WDR90: variants seen among roughly 807,000 people sequenced by gnomAD.
WDR90 encodes the protein WD repeat domain 90.
Under a neutral mutation model 195.2 loss-of-function variants are expected in WDR90, and 238 were observed. The ratio of observed to expected loss-of-function variants is 1.22; its 90% CI spans 1.10 to 1.36. The LOEUF is 1.36. Among genes scored for constraint, WDR90 ranks in the 40% most tolerant of loss-of-function variants. WDR90 has a pLI of 0.00. For missense variants in WDR90, 2,734 were observed against 2,439.5 expected, an observed-to-expected ratio of 1.12 and a Z score of -2.54; for synonymous variants, 1,265 against 1,052.4, an observed-to-expected ratio of 1.20 and a Z score of -3.91.
At chr16:656,187 C>T in intron 17 of WDR90, 115 bp from the exon 18 acceptor site, 1 of 1,028,462 alleles carries the variant, frequency 9.7e-7, no homozygotes, top group South Asian at 1.5e-5. Flanking sequence ...CCGTGTGGAG[C>T]CTGGGACTTT....
rs202035032 is a variant in WDR90, at chr16:666,676, C to T, written c.4888C>T (p.Gln1630Ter). 1.5e-4 allele frequency: 235 copies of T among 1,612,576 alleles called. No homozygotes were observed. The highest frequency in any genetic ancestry group is 1.9e-4 in the Non-Finnish European group (224 of 1,179,920). The part of the protein sequence containing the change: ...SFPMPATTET[Q>*]GHLPPSLAAF... Reference sequence around the variant, plus strand: ...GCAGCATGCTGCGCCTTTGCAGACTCAGGGCCACCTGCCACCCTCCCTCGC... The same window carrying T: ...GCAGCATGCTGCGCCTTTGCAGACTTAGGGCCACCTGCCACCCTCCCTCGC... The change falls in exon 39 of 41, where the codon CAG becomes TAG. Residue 1630 changes from glutamine (Q) to a stop codon, truncating the protein, a stop_gained. Coordinates refer to ENST00000293879, the MANE Select transcript of WDR90 (RefSeq NM_145294.5). LOFTEE classifies it high-confidence loss of function.
rs933175816 is a variant in WDR90 at position 659,866 on chromosome 16, C to T, written c.3185-192C>T. On this transcript the variant is annotated intron_variant, in intron 26 of 40. Coordinates refer to ENST00000293879, the MANE Select transcript of WDR90 (RefSeq NM_145294.5). ...AGGGGCCTGAGGACGGTCGGTGAGTCCCCCGTGTGACGAGGCAAGGTCACC... is the reference window on the plus strand; with the variant it reads ...AGGGGCCTGAGGACGGTCGGTGAGTTCCCCGTGTGACGAGGCAAGGTCACC... Among the ~76,000 whole-genome samples, 11 of 152,306 alleles carry T rather than the reference C, an allele frequency of 7.2e-5. 1 individual carries two copies. In the East Asian group the frequency reaches 1.9e-3, roughly 27 times the overall value.
upstream of WDR90, chr16:649,335 A>G: frequency 7.6e-7 from 1 of 1,307,944 alleles, no homozygotes; most frequent in Non-Finnish European, 9.7e-7. Flanking sequence ...CACCGTTGCC[A>G]GGCAGCCGTT....
chr16:651,437 G>T (rs1169256499), intron 7 of WDR90, among the ~76,000 whole-genome samples, 171 bp downstream of exon 7: 4 of 152,152 alleles, frequency 2.6e-5, no homozygotes, highest in Non-Finnish European at 5.9e-5. Flanking sequence ...AGGGTGGGAA[G>T]TCTGTGTGAG....
At position 650,644 on chromosome 16, in the gene WDR90, G is replaced by A. The variant is rs13337278; in HGVS notation, c.494G>A (p.Ser165Asn). The change falls in exon 5 of 41, where the codon AGC (serine) becomes AAC (asparagine). Residue 165 changes from serine to asparagine, a missense_variant. By Grantham distance (46) the Ser-to-Asn change is conservative. Coordinates refer to ENST00000293879, the MANE Select transcript of WDR90 (RefSeq NM_145294.5). ...AACCGGTGCTACGGCCATCTCAAGA[G>A]CATCAGGCTGTGCGCCAGCCTGCTG... ...YLNRCYGHLK[S>N]IRLCASLLVR... The A allele has an allele frequency of 1.1e-5, 18 of 1,612,504 alleles. No homozygotes were observed. The highest frequency in any genetic ancestry group is 1.5e-5 in the Non-Finnish European group (18 of 1,179,894).
rs763159314 is a variant in WDR90 at position 662,305 on chromosome 16, G to A, written c.4119G>A (p.Glu1373=). ...TGTGGGCCGTGGGGGCTGTGTCGGA[G>A]CTGAGGTGCAAGGGCTCAGGCGCCA... The part of the protein sequence containing the change: ...LRLWAVGAVS[E]LRCKGSGASS... The change falls in exon 33 of 41, where the codon GAG becomes GAA. Residue 1373 remains glutamate, a synonymous_variant. Transcript: ENST00000293879. 36 of 1,574,210 alleles carry A rather than the reference G, an allele frequency of 2.3e-5. No individual in the cohort carries two copies. The highest frequency in any genetic ancestry group is 2.7e-5 in the African/African-American group (2 of 74,272).
rs376804962 is a variant in WDR90, at chr16:651,610, C to A, written c.737-34C>A. 150 of 1,603,304 alleles carry A rather than the reference C, an allele frequency of 9.4e-5. No individual in the cohort carries two copies. The Admixed American group carries it at 9.7e-4, about 10-fold the overall frequency. ...CTCACCAGGCATCTGCACAGCTGGC[C>A]CCTGGGTCACTGGGGTTCTTTGCTC... On this transcript the variant is annotated intron_variant, in intron 7 of 40. Transcript: ENST00000293879.
intron 22 of WDR90, 26 bp from the exon 23 acceptor site, chr16:658,499 C>A: frequency 6.3e-7 from 1 of 1,594,952 alleles, no homozygotes; most frequent in South Asian, 1.1e-5. Flanking sequence ...TGAGACACGG[C>A]ATTTCCCAAG....
Position 657,746 on chromosome 16 carries a change from C to T in WDR90, c.2474-16C>T, listed in dbSNP as rs779821518. 4.5e-6 allele frequency: 7 copies of T among 1,539,450 alleles called. No individual in the cohort carries two copies. In the East Asian group the frequency reaches 1.7e-4, roughly 38 times the overall value. On this transcript the variant is annotated splice_polypyrimidine_tract_variant and intron_variant, in intron 20 of 40. Transcript: ENST00000293879. ...GCACTCCCCACCCAGCTGACCCCTG[C>T]CCCGTGTGGCCACAGCGGACATGGT...
chr16:665,792 G>A lies in WDR90; in HGVS notation c.4425G>A (p.Val1475=). ...ASMELVIQFQ[V]LNQSCLCLAW... Reference sequence around the variant, plus strand: ...TGGAGCTTGTGATCCAGTTCCAGGTGCTGAACCAGGTGTGTGGGGAGTGCC... The same window carrying A: ...TGGAGCTTGTGATCCAGTTCCAGGTACTGAACCAGGTGTGTGGGGAGTGCC... Residue 1475 remains valine, a synonymous_variant, in exon 35 of 41, where the codon GTG becomes GTA. Transcript: ENST00000293879. 5.7e-6 allele frequency: 9 copies of A among 1,590,226 alleles called. No individual in the cohort carries two copies. The highest frequency in any genetic ancestry group is 7.7e-6 in the Non-Finnish European group (9 of 1,164,520).
chr16:666,389 T>G, intron 37 of WDR90, 39 bp downstream of exon 37: 1 of 1,610,872 alleles, frequency 6.2e-7, no homozygotes, highest in Non-Finnish European at 8.5e-7. Context: ...GGGGCCTGGG[T>G]GCTGGTGGGG....
chr16:657,395 C>G, intron 20 of WDR90, 174 bp downstream of exon 20: 2 of 1,086,742 alleles, frequency 1.8e-6, no homozygotes, highest in Non-Finnish European at 2.5e-6. Flanking sequence ...TGTGGTTTAG[C>G]GTTCACTGGA....
rs915431307 is a variant in WDR90, at chr16:662,564, C to A, written c.4146-115C>A. ...TTTCTCTTCTTCCACCGGGAGGGCA[C>A]AGCCAGGTCCTGAGATGCAATGCTG... On this transcript the variant is annotated intron_variant, in intron 33 of 40. Transcript: ENST00000293879. The A allele has an allele frequency of 1.7e-5, 24 of 1,413,904 alleles. No individual in the cohort carries two copies. In the African/African-American group the frequency reaches 3.2e-4, roughly 19 times the overall value. 87.6% of individuals were successfully genotyped at this position (1,413,904 alleles called of 1,614,324 possible). A position where few individuals can be genotyped will look rare whatever the true frequency, so the allele number is the denominator to read the frequency against.
chr16:661,013 C>CG (rs1654465340), intron 28 of WDR90, 38 bp from the exon 29 acceptor site: 1 of 314,090 alleles, frequency 3.2e-6, no homozygotes, highest in Non-Finnish European at 4.0e-6. Context: ...CCCCCCCCCC[C>CG]CCGGCCCGGC....
In WDR90 at chr16:655,838, G is replaced by T; in HGVS notation, c.1915G>T (p.Gly639Cys). Residue 639 changes from glycine (G) to cysteine (C), a missense_variant, in exon 17 of 41, where the codon GGC becomes TGC. By Grantham distance (159) the Gly-to-Cys change is radical. Transcript: ENST00000293879. ...CATGTGTGCTGTGGGCTCTGAGGAC[G>T]GCTTCTTGCGGCTCTGGCCCCTGGA... ...PAMCAVGSED[G>C]FLRLWPLDFS... The T allele has an allele frequency of 6.3e-7, 1 of 1,598,810 alleles. No individual in the cohort carries two copies.
At position 656,761 on chromosome 16, in the gene WDR90, C is replaced by T. The variant is rs771014446; in HGVS notation, c.2232C>T (p.Ala744=). 1.2e-6 allele frequency: 2 copies of T among 1,613,224 alleles called. No homozygotes were observed. The highest frequency in any genetic ancestry group is 1.7e-6 in the Non-Finnish European group (2 of 1,179,966). ...QLYDFTSSED[A]PCAVTFHPTR... is the part of the protein sequence containing the mutation. ...ACGACTTCACATCATCAGAGGACGC[C>T]CCGTGCGCTGTCACCTTCCACCCCA... The change falls in exon 19 of 41, where the codon GCC becomes GCT. Residue 744 remains alanine, a synonymous_variant. Coordinates refer to ENST00000293879, the MANE Select transcript of WDR90 (RefSeq NM_145294.5).
At position 667,429 on chromosome 16, in the gene WDR90, CAG is replaced by C. The variant is rs2038127142; in HGVS notation, c.5090_5091del. On this transcript the variant is annotated splice_acceptor_variant, in intron 40 of 40. Coordinates refer to ENST00000293879, the MANE Select transcript of WDR90 (RefSeq NM_145294.5). LOFTEE classifies it high-confidence loss of function. ...CTGGCCCACCTGCACCGTCTACCCA[CAG>C]AGTGCATGCTGAGGCTGGTAGACTG... 2 of 1,595,062 alleles carry C rather than the reference CAG, an allele frequency of 1.3e-6. No individual in the cohort carries two copies. Among genetic ancestry groups the C allele is most frequent in the Non-Finnish European group, 1.7e-6 (2 of 1,167,186 alleles).
In WDR90 at chr16:658,178, C is replaced by G; in HGVS notation, c.2605-5C>G. On this transcript the variant is annotated splice_polypyrimidine_tract_variant and splice_region_variant and intron_variant, in intron 21 of 40. Coordinates refer to ENST00000293879, the MANE Select transcript of WDR90 (RefSeq NM_145294.5). ...TGACTGTCGGCCACTTACCACTACC[C>G]CCAGCTGCTGCGAGTTGACATCGGC... 3 of 1,606,812 alleles carry G rather than the reference C, an allele frequency of 1.9e-6. No homozygotes were observed. The highest frequency in any genetic ancestry group is 2.6e-6 in the Non-Finnish European group (3 of 1,176,206).
chr16:658,785 CTGTGCCTCCGGGGCCTCACACTG>C, intron 23 of WDR90, 88 bp from the exon 24 acceptor site: 1 of 1,556,706 alleles, frequency 6.4e-7, no homozygotes, highest in Non-Finnish European at 8.7e-7. Flanking sequence ...CAAGGATCCT[CTGTGCCTCCGGGGCCTCACACTG>C]TGTGGGGCTC....
Sources: gnomAD v4.1 joint callset for allele counts (sites outside exome capture counted in the v4.1 genomes callset) on GRCh38, gnomAD v4.1.1 for gene constraint, MANE v1.5 for transcripts, NCBI Gene and HGNC (gene_info 2026-07-23, HGNC 2026-07-21) for gene names.